The following FTO variants were observed in gnomAD, a reference collection of about 807,000 sequenced individuals.
FTO encodes the protein FTO alpha-ketoglutarate dependent dioxygenase.
In FTO, 47 loss-of-function variants were observed where a neutral mutation model predicts 63.9. The observed-to-expected ratio is 0.74, with a 90% confidence interval of 0.58 to 0.94. The LOEUF (loss-of-function observed/expected upper bound fraction) is 0.94. FTO is among the 40% of genes least tolerant of loss of function. The pLI is 0.00. For synonymous variants in FTO, 207 were observed against 224.4 expected (o/e 0.92, Z 0.69); for missense variants, 562 against 618.1 (o/e 0.91, Z 0.96).
At chr16:54,057,622 C>A (rs1049342283) in intron 8 of FTO, among the ~76,000 whole-genome samples, 2 of 151,868 alleles carry the variant, frequency 1.3e-5, no homozygotes, top group African/African-American at 4.8e-5. Context: ...GGCCACCACG[C>A]CTGGCTAATT....
At chr16:53,704,809 C>G (rs1159715533) in intron 1 of FTO, among the ~76,000 whole-genome samples, 1 of 152,172 alleles carries the variant, frequency 6.6e-6, no homozygotes, top group African/African-American at 2.4e-5. Flanking sequence ...TATTGTGGGT[C>G]AGGCACTGTA....
chr16:53,910,988 A>G (rs1015228641), intron 7 of FTO, among the ~76,000 whole-genome samples: 5 of 152,232 alleles, frequency 3.3e-5, no homozygotes, highest in African/African-American at 1.2e-4. Flanking sequence ...CCCAAGAAGG[A>G]AGTTTAGGGG....
intron 1 of FTO, among the ~76,000 whole-genome samples, chr16:53,776,656 T>C (rs2077466762): frequency 6.6e-6 from 1 of 152,204 alleles, no homozygotes; most frequent in African/African-American, 2.4e-5. Flanking sequence ...ACATTTTTTA[T>C]GAAAAATAAC....
intron 3 of FTO, among the ~76,000 whole-genome samples, chr16:53,831,840 GA>G (rs763880362): frequency 7.9e-5 from 12 of 152,148 alleles, no homozygotes; most frequent in Non-Finnish European, 4.4e-5. Flanking sequence ...AACAAGTGTG[GA>G]TGGAATAGAG....
chr16:54,067,464 G>C (rs1428789239), intron 8 of FTO, among the ~76,000 whole-genome samples: 1 of 152,194 alleles, frequency 6.6e-6, no homozygotes, highest in Non-Finnish European at 1.5e-5. Context: ...TATTGCAAAG[G>C]TTAGTTTACG....
intron 1 of FTO, among the ~76,000 whole-genome samples, chr16:53,756,969 G>A (rs923868378): frequency 6.6e-6 from 1 of 152,138 alleles, no homozygotes; most frequent in Non-Finnish European, 1.5e-5. Context: ...AAGTTTTGTA[G>A]CGTTGTTGTT....
chr16:53,811,855 C>T (rs1467734449), intron 2 of FTO, among the ~76,000 whole-genome samples: 1 of 152,134 alleles, frequency 6.6e-6, no homozygotes, highest in African/African-American at 2.4e-5. Flanking sequence ...CTCTGTCACC[C>T]AGACTGGAAT....
intron 1 of FTO, among the ~76,000 whole-genome samples, chr16:53,797,403 T>C (rs1322153570): frequency 6.6e-6 from 1 of 152,222 alleles, no homozygotes. Flanking sequence ...CACTGTGTGC[T>C]CTTTTTTGGA....
chr16:53,724,861 C>T (rs1207720799), intron 1 of FTO, among the ~76,000 whole-genome samples: 1 of 152,132 alleles, frequency 6.6e-6, no homozygotes, highest in Non-Finnish European at 1.5e-5. Flanking sequence ...ACTGAGGCAC[C>T]ATACCCTCTA....
chr16:54,064,155 G>A (rs2085662627), intron 8 of FTO, among the ~76,000 whole-genome samples: 1 of 152,138 alleles, frequency 6.6e-6, no homozygotes, highest in Non-Finnish European at 1.5e-5. Context: ...AATGGTACAT[G>A]TAGCTTTAAA....
rs893898505 is a variant in FTO, at chr16:53,838,855, G to A, written c.752-5300G>A. ...CTCTAGTCTCAAAAAGAAAGAAAGA[G>A]GGCTATTTAAATGTATGGTGATGAT... is the stretch of plus-strand genomic sequence containing the variant. On this transcript the variant is annotated intron_variant, in intron 3 of 8. Coordinates refer to ENST00000471389, the MANE Select transcript of FTO (RefSeq NM_001080432.3). Among the ~76,000 whole-genome samples, 3 of 152,000 alleles carry A rather than the reference G, an allele frequency of 2.0e-5. No individual in the cohort carries two copies. In the East Asian group the frequency reaches 5.8e-4, roughly 30 times the overall value.
At chr16:53,990,658 T>TTATTTTATTA (rs1306258443) in intron 8 of FTO, among the ~76,000 whole-genome samples, 1 of 119,082 alleles carries the variant, frequency 8.4e-6, no homozygotes, top group Non-Finnish European at 2.1e-5. Context: ...CCTTTTCTTT[T>TTATTTTATTA]TATTTTATTT....
intron 1 of FTO, among the ~76,000 whole-genome samples, chr16:53,731,621 G>T (rs978783859): frequency 9.9e-5 from 15 of 152,152 alleles, no homozygotes; most frequent in Admixed American, 7.9e-4. Context: ...AGGCTGGAGT[G>T]CGGTGGCATA....
chr16:53,789,781 C>CAT (rs1285554504), intron 1 of FTO, among the ~76,000 whole-genome samples: 1 of 149,676 alleles, frequency 6.7e-6, no homozygotes, highest in Non-Finnish European at 1.5e-5. Flanking sequence ...CACACACACA[C>CAT]ATATATGTAT....
intron 5 of FTO, among the ~76,000 whole-genome samples, chr16:53,877,195 A>G (rs2080681389): frequency 6.6e-6 from 1 of 152,338 alleles, no homozygotes; most frequent in South Asian, 2.1e-4. Flanking sequence ...ATCCAAAGGT[A>G]CCCTATGACA....
At chr16:54,015,624 C>A (rs1177952021) in intron 8 of FTO, among the ~76,000 whole-genome samples, 2 of 152,194 alleles carry the variant, frequency 1.3e-5, no homozygotes, top group Non-Finnish European at 2.9e-5. Flanking sequence ...TGGGAAAATT[C>A]AACTTAACCA....
chr16:54,012,931 T>A (rs1036226282), intron 8 of FTO, among the ~76,000 whole-genome samples: 1 of 152,190 alleles, frequency 6.6e-6, no homozygotes, highest in East Asian at 1.9e-4. Context: ...AATGTTGTTT[T>A]CATGCCTGCT....
In FTO at chr16:53,833,537, G is replaced by T. The variant is rs1193189780; in HGVS notation, c.751+7046G>T. 2.6e-5 allele frequency among the ~76,000 whole-genome samples: 4 copies of T among 152,118 alleles called. No homozygotes were observed. In the South Asian group the frequency reaches 6.2e-4, roughly 24 times the overall value. ...TATACAAATATCTGTGGGAATCTCC[G>T]CTTTCAGTACTTTTGTGTGTATACT... is the stretch of plus-strand genomic sequence containing the variant. On this transcript the variant is annotated intron_variant, in intron 3 of 8. Coordinates refer to ENST00000471389, the MANE Select transcript of FTO (RefSeq NM_001080432.3).
At chr16:53,969,881 T>C (rs1449282639) in intron 8 of FTO, among the ~76,000 whole-genome samples, 1 of 152,180 alleles carries the variant, frequency 6.6e-6, no homozygotes, top group African/African-American at 2.4e-5. Context: ...GTAACGTGGC[T>C]GTGAACTGCT....
Sources: gnomAD v4.1 joint callset for allele counts (sites outside exome capture counted in the v4.1 genomes callset) on GRCh38, gnomAD v4.1.1 for gene constraint, MANE v1.5 for transcripts, NCBI Gene and HGNC (gene_info 2026-07-23, HGNC 2026-07-21) for gene names.